Variants in DDX54 observed in about 807,000 individuals in gnomAD.
DDX54 encodes DEAD-box helicase 54.
Under a neutral mutation model 105.5 loss-of-function variants are expected in DDX54, and 67 were observed. The observed-to-expected ratio is 0.64, with a 90% CI of 0.52 to 0.78. The LOEUF is 0.78. DDX54 is among the 30% of genes least tolerant of loss of function. The pLI is 0.00. For synonymous variants in DDX54, 514 were observed against 509.9 expected, an observed-to-expected ratio of 1.01 and a Z score of -0.11; for missense variants, 1,206 against 1,230.5, an observed-to-expected ratio of 0.98 and a Z score of 0.30.
At chr12:113,160,924 G>A (rs183597636) in intron 19 of DDX54, among the ~76,000 whole-genome samples, 4 of 152,280 alleles carry the variant, frequency 2.6e-5, no homozygotes, top group Admixed American at 1.3e-4. Flanking sequence ...TTACACAATC[G>A]GCTTAATTAG....
Position 113,181,681 on chromosome 12 carries a change from G to A in DDX54, c.175-623C>T, listed in dbSNP as rs114570044. ...GTACTAGACTTTTCCAAGATCTCCC[G>A]CCCCCTACCCCCGCCCCATCAGCCG... On this transcript the variant is annotated intron_variant, in intron 1 of 19. Coordinates refer to ENST00000306014, the MANE Select transcript of DDX54 (RefSeq NM_024072.4). Among the ~76,000 whole-genome samples, 847 of 145,444 alleles carry A rather than the reference G, an allele frequency of 5.8e-3. 6 individuals are homozygous for A. Among genetic ancestry groups the A allele is most frequent in the African/African-American group, 0.02 (818 of 40,244 alleles).
chr12:113,180,619 C>A (rs1471070516), intron 2 of DDX54, among the ~76,000 whole-genome samples: 1 of 152,172 alleles, frequency 6.6e-6, no homozygotes, highest in African/African-American at 2.4e-5. Context: ...GCCAGGTGTC[C>A]CCACACCACC....
chr12:113,180,477 A>AC (rs1952453533), intron 2 of DDX54, among the ~76,000 whole-genome samples: 1 of 151,928 alleles, frequency 6.6e-6, no homozygotes, highest in African/African-American at 2.4e-5. Context: ...AAGTGATCCT[A>AC]CCTCTGCCTC....
At chr12:113,161,442 C>G (rs1592996826) in intron 18 of DDX54, 60 bp from the exon 19 acceptor site, 3 of 1,327,708 alleles carry the variant, frequency 2.3e-6, no homozygotes, top group Admixed American at 1.8e-5. Flanking sequence ...GGCTCCTCCC[C>G]ACACTGCCCC....
At position 113,177,058 on chromosome 12, in the gene DDX54, G is replaced by C; in HGVS notation, c.650C>G (p.Pro217Arg). The C allele has an allele frequency of 6.2e-7, 1 of 1,614,124 alleles. No homozygotes were observed. Among genetic ancestry groups the C allele is most frequent in the Non-Finnish European group, 8.5e-7 (1 of 1,180,026 alleles). Residue 217 changes from proline (P) to arginine (R), a missense_variant, in exon 6 of 20, where the codon CCC (proline) becomes CGC (arginine). Pro to Arg is a moderately radical substitution (Grantham distance 103, BLOSUM62 -2). Coordinates refer to ENST00000306014, the MANE Select transcript of DDX54 (RefSeq NM_024072.4). ...EDQFAALHEN[P>R]DIIIATPGRL... The stretch of plus-strand genomic sequence containing the variant: ...CCCCAATCCACAAACTCACATGTCG[G>C]GATTTTCGTGCAGGGCTGCAAACTG...
chr12:113,185,440 G>A lies in DDX54; in HGVS notation c.12C>T (p.Asp4=), dbSNP rs1349938758. The A allele has an allele frequency of 8.6e-6, 13 of 1,509,204 alleles. No homozygotes were observed. The highest frequency in any genetic ancestry group is 2.9e-5 in the African/African-American group (2 of 69,168). 93.5% of individuals were successfully genotyped at this position (1,509,204 alleles called of 1,614,324 possible). A position where few individuals can be genotyped will look rare whatever the true frequency, so the allele number is the denominator to read the frequency against. Residue 4 remains aspartate, a synonymous_variant, in exon 1 of 20, where the codon GAC becomes GAT. Coordinates refer to ENST00000306014, the MANE Select transcript of DDX54 (RefSeq NM_024072.4). MAA[D]KGPAAGPRSR... ...ACCGAGGTCCAGCCGCCGGGCCCTT[G>A]TCGGCCGCCATTCGGGCCGCGCGCT... is the stretch of plus-strand genomic sequence containing the variant.
chr12:113,158,737 G>C lies in DDX54; in HGVS notation c.*140C>G. The C allele has an allele frequency of 1.1e-6, 1 of 912,652 alleles. No individual in the cohort carries two copies. The highest frequency in any genetic ancestry group is 1.6e-6 in the Non-Finnish European group (1 of 618,242). 56.5% of individuals were successfully genotyped at this position (912,652 alleles called of 1,614,324 possible). On this transcript the variant is annotated 3_prime_UTR_variant, in exon 20 of 20. Transcript: ENST00000306014. This position sits in a 1 kb window ranked among gnomAD's most constrained non-coding sequence, Gnocchi z 4.9. ...TGCTGCCCTTCTGTGGCCATACAGT[G>C]CTCCTTTTCACAGATGATGGCTCCT...
Position 113,169,874 on chromosome 12 carries a change from G to A in DDX54, c.1310C>T (p.Thr437Ile), listed in dbSNP as rs1952316355. ...ATCAGGGGCCACCAAGGAGTAGGCT[G>A]TGCCACTTCGGCCAGCCCGAGCCAC... ...GRVARAGRSG[T>I]AYSLVAPDEI... The change falls in exon 12 of 20, where the codon ACA becomes ATA. Residue 437 changes from threonine (T) to isoleucine (I), a missense_variant. Coordinates refer to ENST00000306014, the MANE Select transcript of DDX54 (RefSeq NM_024072.4). The A allele has an allele frequency of 5.0e-6, 8 of 1,613,774 alleles. No individual in the cohort carries two copies. The highest frequency in any genetic ancestry group is 2.2e-5 in the East Asian group (1 of 44,872).
At chr12:113,182,542 C>T (rs1023486076) in intron 1 of DDX54, among the ~76,000 whole-genome samples, 11 of 152,078 alleles carry the variant, frequency 7.2e-5, no homozygotes, top group Non-Finnish European at 1.5e-4. Flanking sequence ...AATGTATGAA[C>T]AGCATGTCCT....
rs561707496 is a variant in DDX54, at chr12:113,157,699, C to T, written c.*1178G>A. 1.6e-5 allele frequency: 24 copies of T among 1,546,540 alleles called. No individual in the cohort carries two copies. Among genetic ancestry groups the T allele is most frequent in the African/African-American group, 5.5e-5 (4 of 73,098 alleles). ...TCCTAGCCCTGACACAGGTGAGCAG[C>T]GGGAGAGGGAACCCCTGAGAGACCC... On this transcript the variant is annotated 3_prime_UTR_variant, in exon 20 of 20. Transcript: ENST00000306014.
chr12:113,159,360 G>A (rs1952177632), intron 19 of DDX54: 4 of 497,326 alleles, frequency 8.0e-6, no homozygotes, highest in African/African-American at 3.9e-5. Context: ...AGAAGTTAAC[G>A]GCTCTGTGCC....
In DDX54 at chr12:113,185,420, G is replaced by A. The variant is rs1477973487; in HGVS notation, c.32C>T (p.Pro11Leu). Residue 11 changes from proline to leucine, a missense_variant, in exon 1 of 20, where the codon CCT (proline) becomes CTT (leucine). Physicochemically the swap from Pro to Leu is moderately conservative, Grantham distance 98 (BLOSUM62 -3). Around this residue, in one of 3 missense-constraint regions of DDX54, gnomAD observed 212 missense variants for 155.4 expected, o/e 1.36. Coordinates refer to ENST00000306014, the MANE Select transcript of DDX54 (RefSeq NM_024072.4). ...CTGGGCCATGGCAGCTCGCGACCGAGGTCCAGCCGCCGGGCCCTTGTCGGC... is the reference window on the plus strand; with the variant it reads ...CTGGGCCATGGCAGCTCGCGACCGAAGTCCAGCCGCCGGGCCCTTGTCGGC... Reference protein sequence around the residue: MAADKGPAAGPRSRAAMAQWR... With the variant: MAADKGPAAGLRSRAAMAQWR... 33 of 1,528,186 alleles carry A rather than the reference G, an allele frequency of 2.2e-5. No homozygotes were observed. The highest frequency in any genetic ancestry group is 2.7e-5 in the Non-Finnish European group (31 of 1,140,480). The allele number at this position is 1,528,186 out of a possible 1,614,324, so 94.7% of individuals were successfully genotyped here. A position where few individuals can be genotyped will look rare whatever the true frequency, so the allele number is the denominator to read the frequency against.
intron 2 of DDX54, 102 bp from the exon 3 acceptor site, chr12:113,180,107 C>T: frequency 9.3e-7 from 1 of 1,078,942 alleles, no homozygotes; most frequent in Non-Finnish European, 1.4e-6. Flanking sequence ...CAATAAACAG[C>T]AAGGGAAAAA....
Position 113,185,411 on chromosome 12 carries a change from CGCGACCGA to C in DDX54, c.33_40del (p.Arg12SerfsTer33). ...CTTCCTCCACTGGGCCATGGCAGCT[CGCGACCGA>C]GGTCCAGCCGCCGGGCCCTTGTCGG... On this transcript the variant is annotated frameshift_variant, in exon 1 of 20. Transcript: ENST00000306014. LOFTEE classifies it high-confidence loss of function. 1 of 1,535,416 alleles carries C rather than the reference CGCGACCGA, an allele frequency of 6.5e-7. No individual in the cohort carries two copies. The highest frequency in any genetic ancestry group is 1.2e-5 in the South Asian group (1 of 82,774).
chr12:113,184,381 C>T lies in DDX54; in HGVS notation c.174+897G>A, dbSNP rs183978797. 6.2e-4 allele frequency among the ~76,000 whole-genome samples: 94 copies of T among 152,282 alleles called. 2 individuals are homozygous for T. Among genetic ancestry groups the T allele is most frequent in the African/African-American group, 2.2e-3 (90 of 41,548 alleles). On this transcript the variant is annotated intron_variant, in intron 1 of 19. Transcript: ENST00000306014. ...ACAGGCGTGTAGCCACTACACCAGGCCTTTGACTATTTCTTAACCCTCTAG... is the reference window on the plus strand; with the variant it reads ...ACAGGCGTGTAGCCACTACACCAGGTCTTTGACTATTTCTTAACCCTCTAG...
chr12:113,180,398 C>T (rs1203551474), intron 2 of DDX54, among the ~76,000 whole-genome samples: 1 of 152,098 alleles, frequency 6.6e-6, no homozygotes, highest in Non-Finnish European at 1.5e-5. Flanking sequence ...GACTCTTGTC[C>T]CTCTTGGTGG....
chr12:113,181,807 C>A (rs1340690411), intron 1 of DDX54, among the ~76,000 whole-genome samples: 2 of 152,012 alleles, frequency 1.3e-5, no homozygotes, highest in African/African-American at 4.8e-5. Flanking sequence ...CCAATCCAGA[C>A]ACCTCCTCTG....
intron 8 of DDX54, 34 bp downstream of exon 8, chr12:113,175,002 C>T: frequency 6.2e-7 from 1 of 1,612,226 alleles, no homozygotes; most frequent in Non-Finnish European, 8.5e-7. Flanking sequence ...CCAGCCTGAC[C>T]CCCAGCCCCC....
chr12:113,179,404 C>G, intron 3 of DDX54, 73 bp from the exon 4 acceptor site: 2 of 1,524,944 alleles, frequency 1.3e-6, no homozygotes, highest in East Asian at 4.6e-5. Context: ...CTTCAAGGCC[C>G]TGAGGAGTGG....
Sources: allele counts gnomAD v4.1 joint callset (sites outside exome capture counted in the v4.1 genomes callset), GRCh38; gene constraint gnomAD v4.1.1; regional missense constraint gnomAD v4.1.1; non-coding constraint Gnocchi (gnomAD v3.1); transcripts MANE v1.5; gene names NCBI Gene and HGNC (gene_info 2026-07-23, HGNC 2026-07-21).